MECOM: variants seen among roughly 807,000 people sequenced by gnomAD.
MECOM encodes MDS1 and EVI1 complex locus.
MECOM carries 13 observed loss-of-function variants against 116.3 expected under a neutral mutation model. The ratio of observed to expected loss-of-function variants is 0.11; its 90% confidence interval spans 0.07 to 0.18. MECOM has a LOEUF of 0.18. Among genes scored for constraint, MECOM ranks in the 10% least tolerant of loss-of-function variants. MECOM has a pLI of 1.00. For synonymous variants in MECOM, 528 were observed against 535.2 expected, an observed-to-expected ratio of 0.99 and a Z score of 0.19; for missense variants, 1,299 against 1,509.0, an observed-to-expected ratio of 0.86 and a Z score of 2.31.
intron 1 of MECOM, among the ~76,000 whole-genome samples, chr3:169,555,567 A>AGTGC (rs1761929765): frequency 2.0e-5 from 3 of 152,242 alleles, no homozygotes; most frequent in Admixed American, 1.3e-4. Context: ...TGTAGGCCTA[A>AGTGC]AACCATGAAG....
At chr3:169,093,373 T>C (rs967661702) in intron 13 of MECOM, among the ~76,000 whole-genome samples, 5 of 152,180 alleles carry the variant, frequency 3.3e-5, no homozygotes, top group Admixed American at 2.0e-4. Flanking sequence ...CTTACCTCTA[T>C]TGTGACATGA....
At chr3:169,581,440 CT>C (rs144961600) in intron 1 of MECOM, among the ~76,000 whole-genome samples, 2,456 of 152,188 alleles carry the variant, frequency 0.016, 70 homozygotes, top group African/African-American at 0.056. Flanking sequence ...TTCTTTCTTG[CT>C]TTCTGCCTTT....
intron 3 of MECOM, among the ~76,000 whole-genome samples, chr3:169,143,087 T>G (rs1738629552): frequency 6.6e-6 from 1 of 152,070 alleles, no homozygotes; most frequent in Non-Finnish European, 1.5e-5. Context: ...TTCACAGTTA[T>G]TGTTATTAAA....
chr3:169,137,094 C>A (rs1736584069), intron 3 of MECOM, among the ~76,000 whole-genome samples: 1 of 152,092 alleles, frequency 6.6e-6, no homozygotes, highest in Non-Finnish European at 1.5e-5. Flanking sequence ...CAGCTCCCAA[C>A]ATTTGGCCTA....
intron 2 of MECOM, among the ~76,000 whole-genome samples, chr3:169,306,120 A>T (rs1717653835): frequency 6.6e-6 from 1 of 152,106 alleles, no homozygotes; most frequent in Non-Finnish European, 1.5e-5. Flanking sequence ...CTTTTATGAC[A>T]CTCATGCACA....
intron 2 of MECOM, among the ~76,000 whole-genome samples, chr3:169,367,103 A>G (rs1729296349): frequency 6.6e-6 from 1 of 152,070 alleles, no homozygotes; most frequent in South Asian, 2.1e-4. Flanking sequence ...AGAATAGAAA[A>G]AGACTATATT....
chr3:169,540,839 C>G (rs533782801), intron 1 of MECOM, among the ~76,000 whole-genome samples: 1 of 152,170 alleles, frequency 6.6e-6, no homozygotes, highest in South Asian at 2.1e-4. Context: ...CTTATAAAGA[C>G]TCAACACTCA....
chr3:169,427,829 G>A (rs1740972272), intron 1 of MECOM, among the ~76,000 whole-genome samples: 1 of 152,180 alleles, frequency 6.6e-6, no homozygotes, highest in African/African-American at 2.4e-5. Context: ...AATTAATGAA[G>A]TGGTGAGTTC....
chr3:169,226,779 A>T (rs1560017097), intron 2 of MECOM, among the ~76,000 whole-genome samples: 2 of 152,232 alleles, frequency 1.3e-5, no homozygotes, highest in Non-Finnish European at 2.9e-5. Context: ...GTGCTTATCA[A>T]CTGGAAGGAA....
At chr3:169,194,779 A>G (rs554055359) in intron 2 of MECOM, among the ~76,000 whole-genome samples, 1 of 152,208 alleles carries the variant, frequency 6.6e-6, no homozygotes, top group South Asian at 2.1e-4. Context: ...TCAGAATTAA[A>G]TAGAGCATCC....
chr3:169,547,908 A>C, intron 1 of MECOM, among the ~76,000 whole-genome samples: 1 of 152,158 alleles, frequency 6.6e-6, no homozygotes, highest in East Asian at 1.9e-4. Context: ...ATAGGAGAGA[A>C]GCACACAATA....
At chr3:169,324,564 C>A (rs9849779) in intron 2 of MECOM, among the ~76,000 whole-genome samples, 31,703 of 152,170 alleles carry the variant, frequency 0.21, 3,691 homozygotes, top group Admixed American at 0.35. Flanking sequence ...GACAAAGGAA[C>A]AAACTGACCT....
intron 2 of MECOM, among the ~76,000 whole-genome samples, chr3:169,276,405 T>C (rs1444265598): frequency 6.6e-6 from 1 of 151,680 alleles, no homozygotes. Flanking sequence ...TAGAAAAAAT[T>C]AGCCAGGCAC....
chr3:169,549,567 G>A (rs1309326326), intron 1 of MECOM, among the ~76,000 whole-genome samples: 2 of 152,066 alleles, frequency 1.3e-5, no homozygotes, highest in Admixed American at 1.3e-4. Context: ...AGATTGTTCT[G>A]GGGGATAAAC....
intron 1 of MECOM, among the ~76,000 whole-genome samples, chr3:169,555,494 C>T (rs1560427080): frequency 1.3e-5 from 2 of 152,212 alleles, no homozygotes; most frequent in South Asian, 2.1e-4. Flanking sequence ...TTCCTCTACA[C>T]TTGGTTACAA....
At chr3:169,106,531 T>C (rs1455874669) in intron 10 of MECOM, among the ~76,000 whole-genome samples, 2 of 152,154 alleles carry the variant, frequency 1.3e-5, no homozygotes, top group Non-Finnish European at 2.9e-5. Context: ...AATACAAATG[T>C]AAATCACATC....
chr3:169,423,273 G>C (rs920052677), intron 1 of MECOM, among the ~76,000 whole-genome samples: 1 of 151,982 alleles, frequency 6.6e-6, no homozygotes, highest in Non-Finnish European at 1.5e-5. Flanking sequence ...CACACATCGA[G>C]GTATCAACAG....
chr3:169,475,047 T>C (rs1439897526), intron 1 of MECOM, among the ~76,000 whole-genome samples: 2 of 151,800 alleles, frequency 1.3e-5, no homozygotes, highest in Non-Finnish European at 2.9e-5. Flanking sequence ...TCCTACTGTA[T>C]TCTCCTCAGG....
At chr3:169,486,719 G>C (rs1752425454) in intron 1 of MECOM, among the ~76,000 whole-genome samples, 2 of 152,222 alleles carry the variant, frequency 1.3e-5, no homozygotes, top group South Asian at 4.1e-4. Flanking sequence ...TATAAACTCA[G>C]TCTGAAACCC....
Sources: gnomAD v4.1 joint callset for allele counts (sites outside exome capture counted in the v4.1 genomes callset) on GRCh38, gnomAD v4.1.1 for gene constraint, MANE v1.5 for transcripts, NCBI Gene and HGNC (gene_info 2026-07-23, HGNC 2026-07-21) for gene names.